The following LRRTM4 variants were observed in gnomAD, a reference collection of about 807,000 sequenced individuals.
LRRTM4 encodes the protein leucine-rich repeat transmembrane neuronal protein 4.
Under a neutral mutation model 47.6 loss-of-function variants are expected in LRRTM4, and 25 were observed. The observed-to-expected ratio is 0.53, with a 90% confidence interval of 0.38 to 0.73. The LOEUF is 0.73. LRRTM4 is among the 30% of genes least tolerant of loss of function. The pLI is 0.00. For synonymous variants in LRRTM4, 311 were observed against 269.5 expected, an observed-to-expected ratio of 1.15 and a Z score of -1.51; for missense variants, 638 against 713.4, an observed-to-expected ratio of 0.89 and a Z score of 1.20.
At chr2:76,900,401 G>A (rs571835989) in intron 3 of LRRTM4, among the ~76,000 whole-genome samples, 83 of 128,740 alleles carry the variant, frequency 6.4e-4, no homozygotes, top group Non-Finnish European at 1.0e-3. Context: ...ATTATTTCAT[G>A]CTTATCTCTA....
intron 3 of LRRTM4, among the ~76,000 whole-genome samples, chr2:77,294,206 G>C (rs1245056292): frequency 1.3e-5 from 2 of 151,988 alleles, no homozygotes; most frequent in African/African-American, 4.8e-5. Flanking sequence ...ATGGCACGCA[G>C]TATATTTGGA....
intron 3 of LRRTM4, among the ~76,000 whole-genome samples, chr2:76,767,291 T>G (rs1216939188): frequency 1.3e-5 from 2 of 152,224 alleles, no homozygotes; most frequent in African/African-American, 4.8e-5. Flanking sequence ...AATGACAAAC[T>G]TCTTTCATCT....
chr2:77,258,125 A>G, intron 3 of LRRTM4, among the ~76,000 whole-genome samples: 1 of 151,812 alleles, frequency 6.6e-6, no homozygotes. Flanking sequence ...AAAAAAGAAA[A>G]AAAAAAAGAC....
intron 3 of LRRTM4, among the ~76,000 whole-genome samples, chr2:77,395,807 A>G (rs960547352): frequency 6.6e-6 from 1 of 151,948 alleles, no homozygotes; most frequent in African/African-American, 2.4e-5. Context: ...ATTATTTAAA[A>G]CACTCAGAAT....
intron 3 of LRRTM4, among the ~76,000 whole-genome samples, chr2:77,123,780 G>C (rs1192735682): frequency 6.6e-6 from 1 of 151,974 alleles, no homozygotes; most frequent in Non-Finnish European, 1.5e-5. Context: ...ATATACACTA[G>C]TATTCCATTT....
At chr2:76,970,016 C>T (rs1676164018) in intron 3 of LRRTM4, among the ~76,000 whole-genome samples, 1 of 151,874 alleles carries the variant, frequency 6.6e-6, no homozygotes, top group Non-Finnish European at 1.5e-5. Flanking sequence ...TCACATGGCC[C>T]CACTCACTTA....
At chr2:77,389,030 A>G (rs1019424352) in intron 3 of LRRTM4, among the ~76,000 whole-genome samples, 12 of 152,064 alleles carry the variant, frequency 7.9e-5, no homozygotes, top group Non-Finnish European at 1.2e-4. Context: ...TAAACAATGG[A>G]GGATTTTCCA....
At chr2:76,831,777 C>A (rs757990785) in intron 3 of LRRTM4, among the ~76,000 whole-genome samples, 17 of 152,028 alleles carry the variant, frequency 1.1e-4, no homozygotes, top group Non-Finnish European at 2.1e-4. Context: ...TTGTCACTAA[C>A]CTCTTTCCCA....
chr2:76,777,579 A>G (rs1157650829), intron 3 of LRRTM4, among the ~76,000 whole-genome samples: 1 of 143,936 alleles, frequency 6.9e-6, no homozygotes, highest in Non-Finnish European at 1.5e-5. Context: ...TTGGTGTATA[A>G]GAATGCTTGT....
At chr2:76,852,322 C>T (rs1204419699) in intron 3 of LRRTM4, among the ~76,000 whole-genome samples, 2 of 152,264 alleles carry the variant, frequency 1.3e-5, no homozygotes, top group Middle Eastern at 3.4e-3. Flanking sequence ...TCGTACCATC[C>T]TTGAAGCCAT....
rs570943067 is a variant in LRRTM4, at chr2:77,139,108, C to T, written c.1551+379210G>A. Among the ~76,000 whole-genome samples the T allele has an allele frequency of 2.0e-5, 3 of 152,238 alleles. No individual in the cohort carries two copies. In the South Asian group the frequency reaches 6.2e-4, roughly 32 times the overall value. On this transcript the variant is annotated intron_variant, in intron 3 of 3. Transcript: ENST00000409884. ...AATCAATAGAAAAAGAAGGAATCCT[C>T]CCTAACACATTTTATGAGGCCAGCA...
chr2:77,209,427 A>G (rs1343363960), intron 3 of LRRTM4, among the ~76,000 whole-genome samples: 1 of 143,530 alleles, frequency 7.0e-6, no homozygotes, highest in East Asian at 2.0e-4. Flanking sequence ...CTTTTGTAAG[A>G]AAAAAAAAAA....
chr2:76,864,437 C>A (rs1219784085), intron 3 of LRRTM4, among the ~76,000 whole-genome samples: 1 of 151,856 alleles, frequency 6.6e-6, no homozygotes, highest in Non-Finnish European at 1.5e-5. Flanking sequence ...GCGGGCGGAT[C>A]ATCTGAGGTC....
Position 77,166,232 on chromosome 2 carries a change from T to C in LRRTM4, c.1551+352086A>G, listed in dbSNP as rs548886669. On this transcript the variant is annotated intron_variant, in intron 3 of 3. Transcript: ENST00000409884. ...AATGCTTCAAAGAGAATAAAATACC[T>C]GGGAATGCAACTTGCAAGGGATGTG... Among the ~76,000 whole-genome samples the C allele has an allele frequency of 7.2e-5, 11 of 152,204 alleles. No individual in the cohort carries two copies. In the East Asian group the frequency reaches 1.5e-3, roughly 21 times the overall value.
chr2:77,157,944 A>G (rs1410391802), intron 3 of LRRTM4, among the ~76,000 whole-genome samples: 2 of 152,204 alleles, frequency 1.3e-5, no homozygotes, highest in Non-Finnish European at 2.9e-5. Context: ...AACAAAAAGA[A>G]AGGGATGGGT....
intron 3 of LRRTM4, among the ~76,000 whole-genome samples, chr2:77,162,479 C>T (rs755594536): frequency 3.9e-5 from 6 of 152,144 alleles, no homozygotes; most frequent in Non-Finnish European, 7.4e-5. Flanking sequence ...AGTAATGGTT[C>T]TCCCAGCACA....
intron 3 of LRRTM4, among the ~76,000 whole-genome samples, chr2:76,947,873 AAAAG>A (rs1296412788): frequency 6.6e-6 from 1 of 151,872 alleles, no homozygotes; most frequent in Admixed American, 6.6e-5. Flanking sequence ...GAGCCCAAGC[AAAAG>A]AAAGAAATTG....
chr2:76,943,562 G>C (rs548217930), intron 3 of LRRTM4, among the ~76,000 whole-genome samples: 63 of 152,328 alleles, frequency 4.1e-4, no homozygotes, highest in Non-Finnish European at 7.8e-4. Context: ...CATTTATGCT[G>C]TATATGGTCT....
At chr2:77,319,841 G>A (rs919491678) in intron 3 of LRRTM4, among the ~76,000 whole-genome samples, 2 of 152,170 alleles carry the variant, frequency 1.3e-5, no homozygotes, top group Non-Finnish European at 2.9e-5. Context: ...TTCCCCAAAG[G>A]TGAAGATTCA....
Sources: allele counts gnomAD v4.1 joint callset (sites outside exome capture counted in the v4.1 genomes callset), GRCh38; gene constraint gnomAD v4.1.1; transcripts MANE v1.5; gene names NCBI Gene and HGNC (gene_info 2026-07-23, HGNC 2026-07-21).